DACH1: variants seen among roughly 807,000 people sequenced by gnomAD.
DACH1 encodes dachshund homolog 1.
A neutral mutation model predicts 54.2 loss-of-function variants in DACH1; 12 were observed. The ratio of observed to expected loss-of-function variants is 0.22; its 90% CI spans 0.14 to 0.36. The LOEUF is 0.36. Among genes scored for constraint, DACH1 ranks in the 10% least tolerant of loss-of-function variants. The pLI is 1.00. For synonymous variants in DACH1, 386 were observed against 366.2 expected, an observed-to-expected ratio of 1.05 and a Z score of -0.62; for missense variants, 805 against 929.8, an observed-to-expected ratio of 0.87 and a Z score of 1.75.
At chr13:71,654,907 T>C (rs370451991) in intron 2 of DACH1, among the ~76,000 whole-genome samples, 14 of 152,328 alleles carry the variant, frequency 9.2e-5, no homozygotes, top group African/African-American at 3.4e-4. Context: ...AAAGGAAAAG[T>C]TGGAGGTTTA....
intron 7 of DACH1, among the ~76,000 whole-genome samples, chr13:71,486,123 G>A (rs1393106870): frequency 6.6e-6 from 1 of 151,244 alleles, no homozygotes; most frequent in Non-Finnish European, 1.5e-5. Flanking sequence ...GGACATCTGT[G>A]GTAATCATTA....
chr13:71,458,680 T>C (rs934942638), intron 10 of DACH1, among the ~76,000 whole-genome samples: 9 of 151,884 alleles, frequency 5.9e-5, no homozygotes, highest in Admixed American at 5.9e-4. Flanking sequence ...GTATATTGGC[T>C]TTTAAATATT....
chr13:71,642,236 A>G (rs1877962475), intron 2 of DACH1, among the ~76,000 whole-genome samples: 1 of 152,234 alleles, frequency 6.6e-6, no homozygotes, highest in African/African-American at 2.4e-5. Flanking sequence ...CAGTAGATTT[A>G]TTCACCTTAA....
At chr13:71,524,149 T>C (rs1394280020) in intron 6 of DACH1, among the ~76,000 whole-genome samples, 2 of 152,126 alleles carry the variant, frequency 1.3e-5, no homozygotes, top group Non-Finnish European at 2.9e-5. Flanking sequence ...CAATAACATA[T>C]TTGAAAGAGA....
intron 1 of DACH1, among the ~76,000 whole-genome samples, chr13:71,732,754 G>A (rs1179648380): frequency 6.6e-6 from 1 of 151,972 alleles, no homozygotes; most frequent in African/African-American, 2.4e-5. Flanking sequence ...CACTATAATG[G>A]CAAAGTTGAA....
chr13:71,618,634 T>A (rs554496044), intron 3 of DACH1, among the ~76,000 whole-genome samples: 10 of 152,090 alleles, frequency 6.6e-5, no homozygotes, highest in Non-Finnish European at 1.0e-4. Flanking sequence ...TAGGGTTTTT[T>A]TTTAAGAAAA....
intron 1 of DACH1, among the ~76,000 whole-genome samples, chr13:71,816,043 C>T (rs1286666236): frequency 1.3e-5 from 2 of 151,876 alleles, no homozygotes; most frequent in African/African-American, 2.4e-5. Flanking sequence ...CGAGATCGCG[C>T]CACTGCACTC....
intron 1 of DACH1, among the ~76,000 whole-genome samples, chr13:71,728,104 G>C (rs933894275): frequency 1.3e-5 from 2 of 151,968 alleles, no homozygotes; most frequent in Admixed American, 6.6e-5. Flanking sequence ...CTGAAAACAT[G>C]CTGTCAATTA....
At position 71,709,917 on chromosome 13, in the gene DACH1, G is replaced by A. The variant is rs577264459; in HGVS notation, c.849-28007C>T. ...TGCAGTGGTGGAGTGGCGTGATCAC[G>A]GCTCACTACAGCCTCGAATTTCTGG... is the stretch of plus-strand genomic sequence containing the variant. On this transcript the variant is annotated intron_variant, in intron 1 of 10. Transcript: ENST00000613252. Among the ~76,000 whole-genome samples, 13 of 152,086 alleles carry A rather than the reference G, an allele frequency of 8.5e-5. No individual in the cohort carries two copies. The East Asian group carries it at 9.7e-4, about 11-fold the overall frequency.
intron 1 of DACH1, among the ~76,000 whole-genome samples, chr13:71,856,266 T>A (rs1402026889): frequency 1.3e-5 from 2 of 151,890 alleles, no homozygotes; most frequent in Non-Finnish European, 2.9e-5. Context: ...GCAGGTCAAG[T>A]TTCTGTCCCT....
chr13:71,464,377 AAT>A (rs200326738), intron 10 of DACH1, among the ~76,000 whole-genome samples: 203 of 152,124 alleles, frequency 1.3e-3, no homozygotes, highest in African/African-American at 4.1e-3. Flanking sequence ...AATGCAAAAT[AAT>A]ATGTTTGTTT....
intron 1 of DACH1, among the ~76,000 whole-genome samples, chr13:71,806,878 C>T (rs1027046352): frequency 6.6e-6 from 1 of 152,078 alleles, no homozygotes; most frequent in Non-Finnish European, 1.5e-5. Context: ...CATTAACATA[C>T]CACAATTAGT....
At chr13:71,535,177 A>T (rs888797356) in intron 6 of DACH1, among the ~76,000 whole-genome samples, 1 of 151,846 alleles carries the variant, frequency 6.6e-6, no homozygotes, top group Non-Finnish European at 1.5e-5. Context: ...GTATATTAAC[A>T]CTGTATTATA....
intron 7 of DACH1, among the ~76,000 whole-genome samples, chr13:71,487,681 C>A (rs1214324075): frequency 1.3e-5 from 2 of 152,160 alleles, no homozygotes; most frequent in Non-Finnish European, 2.9e-5. Flanking sequence ...GGTTAAAGAG[C>A]TTTCAGTTAA....
chr13:71,485,196 G>A (rs1878380971), intron 7 of DACH1, among the ~76,000 whole-genome samples: 1 of 151,480 alleles, frequency 6.6e-6, no homozygotes, highest in South Asian at 2.1e-4. Flanking sequence ...CTCACAGGTT[G>A]TTCTCCATGG....
rs201787428 is a variant in DACH1 at position 71,580,984 on chromosome 13, A to AAAATATTTT, written c.1127-7981_1127-7973dup. 2.1e-5 allele frequency among the ~76,000 whole-genome samples: 3 copies of AAAATATTTT among 140,300 alleles called. No homozygotes were observed. In the East Asian group the frequency reaches 6.2e-4, roughly 29 times the overall value. The allele number at this position is 140,300 out of a possible 152,430, so 92.0% of individuals were successfully genotyped here. On this transcript the variant is annotated intron_variant, in intron 3 of 10. Coordinates refer to ENST00000613252, the MANE Select transcript of DACH1 (RefSeq NM_080759.6). ...CATTTTTTTCCCATTGTTATTAAGA[A>AAAATATTTT]AAATATTTTAAAAGTTTGTCTTAAT...
At chr13:71,806,059 A>C (rs1887487814) in intron 1 of DACH1, among the ~76,000 whole-genome samples, 1 of 152,158 alleles carries the variant, frequency 6.6e-6, no homozygotes, top group African/African-American at 2.4e-5. Flanking sequence ...CGCCCACCTC[A>C]GTCTCCCAAA....
chr13:71,816,677 CATATATATATACACAT>C (rs1474100803), intron 1 of DACH1, among the ~76,000 whole-genome samples: 1,302 of 125,456 alleles, frequency 0.01, 15 homozygotes, highest in Non-Finnish European at 0.016. Flanking sequence ...TATATACACA[CATATATATATACACAT>C]ATATATATAT....
intron 3 of DACH1, among the ~76,000 whole-genome samples, chr13:71,617,669 C>T (rs1875884136): frequency 6.6e-6 from 1 of 152,190 alleles, no homozygotes; most frequent in Non-Finnish European, 1.5e-5. Flanking sequence ...TTTACAACTA[C>T]TCTATGACCT....
Sources: gnomAD v4.1 joint callset for allele counts (sites outside exome capture counted in the v4.1 genomes callset) on GRCh38, gnomAD v4.1.1 for gene constraint, MANE v1.5 for transcripts, NCBI Gene and HGNC (gene_info 2026-07-23, HGNC 2026-07-21) for gene names.